GRID1: variants seen among roughly 807,000 people sequenced by gnomAD.
GRID1 encodes the protein glutamate ionotropic receptor delta type subunit 1, also known as glutamate receptor ionotropic, delta-1.
GRID1 carries 28 observed loss-of-function variants against 98.0 expected under a neutral mutation model. The observed-to-expected ratio is 0.29, with a 90% CI of 0.21 to 0.39. GRID1 has a LOEUF of 0.39. GRID1 is among the 10% of genes least tolerant of loss of function. GRID1 has a pLI of 1.00. For missense variants in GRID1, 1,111 were observed against 1,340.5 expected (o/e 0.83, Z 2.67); for synonymous variants, 553 against 538.5 (o/e 1.03, Z -0.37).
At chr10:85,808,609 G>A (rs1289963708) in intron 8 of GRID1, among the ~76,000 whole-genome samples, 3 of 152,136 alleles carry the variant, frequency 2.0e-5, no homozygotes, top group East Asian at 3.9e-4. Flanking sequence ...GACACATAAG[G>A]GAGGTTATGC....
intron 8 of GRID1, among the ~76,000 whole-genome samples, chr10:85,756,601 A>G (rs1006306578): frequency 5.3e-5 from 8 of 152,248 alleles, no homozygotes; most frequent in African/African-American, 1.9e-4. Flanking sequence ...ATGGAGCCAG[A>G]TGGAGTGAGA....
At chr10:85,603,389 G>C (rs542200804) in intron 15 of GRID1, among the ~76,000 whole-genome samples, 1 of 152,190 alleles carries the variant, frequency 6.6e-6, no homozygotes, top group Non-Finnish European at 1.5e-5. Context: ...ACTTCCCCAG[G>C]GTCAGCTGAC....
chr10:86,313,586 C>T (rs1238215018), intron 2 of GRID1, among the ~76,000 whole-genome samples: 1 of 152,186 alleles, frequency 6.6e-6, no homozygotes, highest in African/African-American at 2.4e-5. Flanking sequence ...GGGAAATCTC[C>T]CTCTTTAGGC....
intron 10 of GRID1, among the ~76,000 whole-genome samples, chr10:85,727,627 C>A (rs1035401701): frequency 1.3e-5 from 2 of 152,074 alleles, no homozygotes; most frequent in Non-Finnish European, 2.9e-5. Flanking sequence ...AAAGGAATGA[C>A]AGCAATGGGC....
chr10:85,951,778 T>C (rs1456030099), intron 4 of GRID1, among the ~76,000 whole-genome samples: 4 of 152,122 alleles, frequency 2.6e-5, no homozygotes, highest in Non-Finnish European at 4.4e-5. Flanking sequence ...AAGGCTCACG[T>C]TCACAACCTT....
intron 8 of GRID1, among the ~76,000 whole-genome samples, chr10:85,741,678 A>G (rs1362331711): frequency 2.6e-5 from 4 of 152,006 alleles, no homozygotes; most frequent in Non-Finnish European, 5.9e-5. Context: ...TCTTTAAGAA[A>G]ATTGCTTTAT....
intron 12 of GRID1, among the ~76,000 whole-genome samples, chr10:85,715,246 T>TA (rs1841625525): frequency 1.3e-5 from 2 of 152,046 alleles, no homozygotes; most frequent in South Asian, 4.1e-4. Context: ...CAAAATAAAT[T>TA]AAAAACTTAA....
chr10:85,860,446 G>A (rs902144901), intron 6 of GRID1, among the ~76,000 whole-genome samples: 14 of 152,242 alleles, frequency 9.2e-5, no homozygotes, highest in African/African-American at 3.1e-4. Context: ...GGTCAGAGAT[G>A]CTAGAGGGAG....
chr10:85,676,958 T>C (rs1418519438), intron 12 of GRID1, among the ~76,000 whole-genome samples: 1 of 152,098 alleles, frequency 6.6e-6, no homozygotes. Flanking sequence ...ATAAAATAAA[T>C]AAGGCCTTAA....
intron 4 of GRID1, among the ~76,000 whole-genome samples, chr10:85,980,127 C>A (rs1261408286): frequency 6.6e-6 from 1 of 152,228 alleles, no homozygotes; most frequent in Non-Finnish European, 1.5e-5. Context: ...TCCTTCCCCA[C>A]CTGGGACTTA....
chr10:86,056,912 G>A (rs953982963), intron 4 of GRID1, among the ~76,000 whole-genome samples: 3 of 152,222 alleles, frequency 2.0e-5, no homozygotes, highest in African/African-American at 4.8e-5. Context: ...GAGATGCCAC[G>A]AAGCATCAGA....
At chr10:86,216,064 T>G (rs2132026140) in intron 2 of GRID1, among the ~76,000 whole-genome samples, 1 of 152,358 alleles carries the variant, frequency 6.6e-6, no homozygotes, top group Non-Finnish European at 1.5e-5. Flanking sequence ...CTTTCACACT[T>G]CCACTCACTC....
At chr10:86,352,259 A>G (rs1848473921) in intron 2 of GRID1, among the ~76,000 whole-genome samples, 1 of 152,198 alleles carries the variant, frequency 6.6e-6, no homozygotes, top group Non-Finnish European at 1.5e-5. Context: ...CTGTAGCCCT[A>G]AGAAGGCAGG....
chr10:85,954,734 C>G (rs1450352136), intron 4 of GRID1, among the ~76,000 whole-genome samples: 2 of 152,178 alleles, frequency 1.3e-5, no homozygotes, highest in Non-Finnish European at 2.9e-5. Flanking sequence ...CAGAACTGTG[C>G]TAAACCCCCA....
rs193199942 is a variant in GRID1, at chr10:85,708,332, A to C, written c.1997+14671T>G. 7.9e-4 allele frequency among the ~76,000 whole-genome samples: 120 copies of C among 151,850 alleles called. 1 individual carries two copies. The East Asian group carries it at 0.021, about 27-fold the overall frequency. On this transcript the variant is annotated intron_variant, in intron 12 of 15. Coordinates refer to ENST00000327946, the MANE Select transcript of GRID1 (RefSeq NM_017551.3). ...GGCAGGAGAATGGCGTGAGCCCAGG[A>C]GGCGGAGCTTGCAGTGAGCCGAGAT...
At chr10:85,795,865 A>G (rs754926983) in intron 8 of GRID1, among the ~76,000 whole-genome samples, 19 of 152,236 alleles carry the variant, frequency 1.2e-4, no homozygotes, top group Non-Finnish European at 1.8e-4. Context: ...GATTCAGAGG[A>G]CATGTTTATA....
chr10:85,686,897 G>A (rs1194131015), intron 12 of GRID1, among the ~76,000 whole-genome samples: 1 of 151,920 alleles, frequency 6.6e-6, no homozygotes, highest in Non-Finnish European at 1.5e-5. Flanking sequence ...TTTACACATA[G>A]GACCTAATAT....
chr10:86,277,337 C>T (rs1469396078), intron 2 of GRID1, among the ~76,000 whole-genome samples: 1 of 152,126 alleles, frequency 6.6e-6, no homozygotes, highest in Non-Finnish European at 1.5e-5. Flanking sequence ...CCAAAGGGAG[C>T]CCTTCAGATT....
intron 12 of GRID1, among the ~76,000 whole-genome samples, chr10:85,716,248 T>C (rs984829928): frequency 6.6e-6 from 1 of 152,164 alleles, no homozygotes; most frequent in Non-Finnish European, 1.5e-5. Flanking sequence ...TGGACATTAT[T>C]GTCCCTTTGT....
Sources: gnomAD v4.1 joint callset for allele counts (sites outside exome capture counted in the v4.1 genomes callset) on GRCh38, gnomAD v4.1.1 for gene constraint, MANE v1.5 for transcripts, NCBI Gene and HGNC (gene_info 2026-07-23, HGNC 2026-07-21) for gene names.